RRP1B: variants seen among roughly 807,000 people sequenced by gnomAD.
RRP1B encodes the protein ribosomal RNA processing protein 1 homolog B.
In RRP1B, 56 loss-of-function variants were observed where a neutral mutation model predicts 80.2. That is an observed-to-expected ratio of 0.70 (90% CI 0.56 to 0.87). RRP1B has a LOEUF of 0.87. RRP1B is among the 40% of genes least tolerant of loss of function. The pLI is 0.00. For missense variants in RRP1B, 807 were observed against 939.8 expected (o/e 0.86, Z 1.85); for synonymous variants, 351 against 357.6 (o/e 0.98, Z 0.21).
rs2083085846 is a variant in RRP1B at position 43,691,461 on chromosome 21, C to T, written c.2042C>T (p.Ser681Phe). The T allele has an allele frequency of 1.2e-6, 2 of 1,614,056 alleles. No individual in the cohort carries two copies. ...AVQLNKTPSS[S>F]KKVTFGLNRN... ...CAGCTAAACAAGACACCATCCAGCTCCAAGAAAGTCACCTTTGGGCTGAAC... is the reference window on the plus strand; with the variant it reads ...CAGCTAAACAAGACACCATCCAGCTTCAAGAAAGTCACCTTTGGGCTGAAC... Residue 681 changes from serine to phenylalanine, a missense_variant, in exon 15 of 16, where the codon TCC becomes TTC. Transcript: ENST00000340648. This position sits in a 1 kb window ranked among gnomAD's most constrained non-coding sequence, Gnocchi z 4.2.
In RRP1B at chr21:43,694,336, A is replaced by C. The variant is rs2083099039; in HGVS notation, c.*953A>C. The C allele has an allele frequency of 6.6e-6, 1 of 152,274 alleles. No individual in the cohort carries two copies. The highest frequency in any genetic ancestry group is 1.5e-5 in the Non-Finnish European group (1 of 68,060). The allele number at this position is 152,274 out of a possible 1,614,324, so 9.4% of individuals were successfully genotyped here. Reference sequence around the variant, plus strand: ...TTTCCTCTCAAATGCGGAAGCGTGCACTTACAGTTCAGACCGTTCTCCTGT... The same window carrying C: ...TTTCCTCTCAAATGCGGAAGCGTGCCCTTACAGTTCAGACCGTTCTCCTGT... On this transcript the variant is annotated 3_prime_UTR_variant, in exon 16 of 16. Coordinates refer to ENST00000340648, the MANE Select transcript of RRP1B (RefSeq NM_015056.3).
rs1269905004 is a variant in RRP1B at position 43,695,106 on chromosome 21, T to TCA, written c.*1726_*1727dup. 3 of 152,144 alleles carry TCA rather than the reference T, an allele frequency of 2.0e-5. No individual in the cohort carries two copies. Among genetic ancestry groups the TCA allele is most frequent in the Non-Finnish European group, 4.4e-5 (3 of 68,012 alleles). 9.4% of individuals were successfully genotyped at this position (152,144 alleles called of 1,614,324 possible). A position where few individuals can be genotyped will look rare whatever the true frequency, so the allele number is the denominator to read the frequency against. ...TTAATGGCTGCATTAGATAGGATCC[T>TCA]CACATCCCATTCAGAACCAAAACTG... On this transcript the variant is annotated 3_prime_UTR_variant, in exon 16 of 16. Coordinates refer to ENST00000340648, the MANE Select transcript of RRP1B (RefSeq NM_015056.3).
At position 43,693,368 on chromosome 21, in the gene RRP1B, T is replaced by C; in HGVS notation, c.2262T>C (p.Ala754=). 1 of 1,582,152 alleles carries C rather than the reference T, an allele frequency of 6.3e-7. No individual in the cohort carries two copies. Among genetic ancestry groups the C allele is most frequent in the South Asian group, 1.1e-5 (1 of 87,586 alleles). ...CCACACCAAGGAGAAGGCCCAGGGC[T>C]ATGGATTTCTTCTGAGGAGCAGCAG... is the stretch of plus-strand genomic sequence containing the variant. ...LTTTPRRRPR[A]MDFF is the part of the protein sequence containing the mutation. The change falls in exon 16 of 16, where the codon GCT becomes GCC. Residue 754 remains alanine (A), a synonymous_variant. Transcript: ENST00000340648. This position sits in a 1 kb window ranked among gnomAD's most constrained non-coding sequence, Gnocchi z 4.1.
At chr21:43,684,021 T>C (rs1601759082) in intron 9 of RRP1B, among the ~76,000 whole-genome samples, 1 of 144,510 alleles carries the variant, frequency 6.9e-6, no homozygotes, top group Admixed American at 6.9e-5. Context: ...TTGTGGGTAC[T>C]CTATCACAAT....
Position 43,691,528 on chromosome 21 carries a change from G to A in RRP1B, c.2083+26G>A. 6.2e-7 allele frequency: 1 copy of A among 1,611,522 alleles called. No individual in the cohort carries two copies. The highest frequency in any genetic ancestry group is 1.1e-5 in the South Asian group (1 of 90,926). On this transcript the variant is annotated intron_variant, in intron 15 of 15. Transcript: ENST00000340648. This position sits in a 1 kb window ranked among gnomAD's most constrained non-coding sequence, Gnocchi z 4.2. ...GTAAGTGGGGTTTTGCCAGCGGCAA[G>A]CTTCTCTGGAGCACAGCTGCAGCTC... is the stretch of plus-strand genomic sequence containing the variant.
intron 14 of RRP1B, 65 bp downstream of exon 14, chr21:43,690,505 A>G: frequency 1.9e-6 from 3 of 1,558,702 alleles, no homozygotes; most frequent in Non-Finnish European, 1.8e-6. Context: ...GCTTGAGCTG[A>G]CAGTGCTTCC....
At chr21:43,680,118 T>C (rs1041613738) in intron 8 of RRP1B, among the ~76,000 whole-genome samples, 3 of 152,200 alleles carry the variant, frequency 2.0e-5, no homozygotes, top group Non-Finnish European at 4.4e-5. Flanking sequence ...TCTAGGTATA[T>C]GATTGTATCA....
intron 8 of RRP1B, among the ~76,000 whole-genome samples, chr21:43,682,549 A>C (rs2083047501): frequency 6.6e-6 from 1 of 152,198 alleles, no homozygotes. Flanking sequence ...ACAGGTTCTC[A>C]CCAAGGTCCT....
intron 8 of RRP1B, among the ~76,000 whole-genome samples, chr21:43,681,581 C>T (rs978204434): frequency 1.3e-5 from 2 of 152,154 alleles, no homozygotes; most frequent in Admixed American, 6.5e-5. Flanking sequence ...TTGATCCGCC[C>T]GCCTGGGCCT....
intron 1 of RRP1B, among the ~76,000 whole-genome samples, chr21:43,660,292 G>A (rs931534413): frequency 2.6e-5 from 4 of 152,242 alleles, no homozygotes; most frequent in African/African-American, 7.2e-5. Context: ...GGCCGGGCGC[G>A]GTGTCTCACG....
chr21:43,671,667 C>T (rs543821061), intron 2 of RRP1B, among the ~76,000 whole-genome samples: 1 of 151,104 alleles, frequency 6.6e-6, no homozygotes, highest in South Asian at 2.1e-4. Flanking sequence ...AGCTGCCCAG[C>T]CCAGCTTAGA....
intron 1 of RRP1B, among the ~76,000 whole-genome samples, chr21:43,664,675 A>G (rs2082971380): frequency 6.6e-6 from 1 of 152,352 alleles, no homozygotes; most frequent in Admixed American, 6.5e-5. Context: ...CACGCTGCTA[A>G]TAAAGACACT....
chr21:43,666,276 C>A (rs1441457248), intron 1 of RRP1B, among the ~76,000 whole-genome samples: 1 of 152,258 alleles, frequency 6.6e-6, no homozygotes, highest in African/African-American at 2.4e-5. Context: ...ACAGTTTGTA[C>A]CTGCTCCCAG....
rs925367531 is a variant in RRP1B at position 43,659,754 on chromosome 21, G to A, written c.90G>A (p.Lys30=). ...EKGIRDRAVK[K]LRQYISVKTQ... ...GCATCCGGGACCGAGCGGTGAAGAA[G>A]CTGCGCCAGTACATCAGCGTGAAGA... Residue 30 remains lysine (K), a synonymous_variant, in exon 1 of 16, where the codon AAG becomes AAA. Transcript: ENST00000340648. This position sits in a 1 kb window ranked among gnomAD's most constrained non-coding sequence, Gnocchi z 4.2. The A allele has an allele frequency of 3.3e-6, 5 of 1,525,940 alleles. No individual in the cohort carries two copies. The African/African-American group carries it at 7.1e-5, about 22-fold the overall frequency. The allele number at this position is 1,525,940 out of a possible 1,614,324, so 94.5% of individuals were successfully genotyped here.
chr21:43,676,722 T>TCTA lies in RRP1B; in HGVS notation c.615-9_615-7dup. The TCTA allele has an allele frequency of 1.2e-6, 2 of 1,612,568 alleles. No homozygotes were observed. The highest frequency in any genetic ancestry group is 1.7e-6 in the Non-Finnish European group (2 of 1,179,294). ...CTCATCACATGCTCTCCGCTGTGCT[T>TCTA]CTACCCTCAGCCACACCCTGGTACA... On this transcript the variant is annotated splice_polypyrimidine_tract_variant and intron_variant, in intron 7 of 15. Coordinates refer to ENST00000340648, the MANE Select transcript of RRP1B (RefSeq NM_015056.3).
chr21:43,693,218 G>T lies in RRP1B; in HGVS notation c.2112G>T (p.Leu704Phe), dbSNP rs1169449970. The T allele has an allele frequency of 6.2e-7, 1 of 1,614,034 alleles. No individual in the cohort carries two copies. The highest frequency in any genetic ancestry group is 2.2e-5 in the East Asian group (1 of 44,866). Residue 704 changes from leucine (L) to phenylalanine (F), a missense_variant, in exon 16 of 16, where the codon TTG (leucine) becomes TTT (phenylalanine). Leu to Phe is a conservative substitution (Grantham distance 22). Transcript: ENST00000340648. The surrounding 1 kb of genome is among the most constrained non-coding windows in gnomAD (Gnocchi z 4.1). ...AEFKKTDKSI[L>F]VSPTGPSRVA... ...TCAAGAAGACAGACAAGAGTATCTTGGTCAGTCCCACGGGCCCTTCTCGAG... is the reference window on the plus strand; with the variant it reads ...TCAAGAAGACAGACAAGAGTATCTTTGTCAGTCCCACGGGCCCTTCTCGAG...
At chr21:43,685,938 T>G in intron 11 of RRP1B, 149 bp downstream of exon 11, 2 of 1,007,876 alleles carry the variant, frequency 2.0e-6, no homozygotes, top group East Asian at 2.8e-5. Context: ...CCAGGCAAAA[T>G]AGCAAGGCCA....
intron 1 of RRP1B, among the ~76,000 whole-genome samples, chr21:43,660,437 C>A (rs1011468975): frequency 2.0e-5 from 3 of 152,154 alleles, no homozygotes; most frequent in African/African-American, 7.2e-5. Flanking sequence ...GTGGCGCATG[C>A]CTGTAATCTC....
intron 8 of RRP1B, among the ~76,000 whole-genome samples, chr21:43,681,288 A>G (rs192749847): frequency 2.0e-4 from 30 of 151,794 alleles, no homozygotes; most frequent in South Asian, 8.3e-4. Flanking sequence ...AGATAGATAG[A>G]TAGATAGATA....
Sources: allele counts gnomAD v4.1 joint callset (sites outside exome capture counted in the v4.1 genomes callset), GRCh38; gene constraint gnomAD v4.1.1; non-coding constraint Gnocchi (gnomAD v3.1); transcripts MANE v1.5; gene names NCBI Gene and HGNC (gene_info 2026-07-23, HGNC 2026-07-21).